Variants in SECISBP2L observed in about 807,000 individuals in gnomAD.
SECISBP2L encodes the protein selenocysteine insertion sequence-binding protein 2-like.
A neutral mutation model predicts 114.7 loss-of-function variants in SECISBP2L; 43 were observed. The observed-to-expected ratio is 0.38, with a 90% CI of 0.29 to 0.48. The LOEUF (loss-of-function observed/expected upper bound fraction) is 0.48, where lower values mean the gene tolerates loss of function less well. Among genes scored for constraint, SECISBP2L ranks in the 20% least tolerant of loss-of-function variants. The pLI is 0.98. For missense variants in SECISBP2L, 1,136 were observed against 1,301.1 expected (o/e 0.87, Z 1.95); for synonymous variants, 451 against 439.7 (o/e 1.03, Z -0.32).
intron 17 of SECISBP2L, among the ~76,000 whole-genome samples, chr15:48,993,326 T>C (rs970792884): frequency 1.3e-5 from 2 of 152,020 alleles, no homozygotes; most frequent in African/African-American, 4.8e-5. Context: ...TTCCCAAAAA[T>C]GTACATTCAA....
Position 49,028,618 on chromosome 15 carries a change from G to A in SECISBP2L, c.729C>T (p.Ser243=). Reference sequence around the variant, plus strand: ...GGGATGCTCTTCTTCTCCTGCCCTTGGACTTCCAGAGCATTGTTGCAGTGG... The same window carrying A: ...GGGATGCTCTTCTTCTCCTGCCCTTAGACTTCCAGAGCATTGTTGCAGTGG... ...SETTATMLWK[S]KGRRRRASHP... is the part of the protein sequence containing the mutation. Residue 243 remains serine, a synonymous_variant, in exon 5 of 18, where the codon TCC becomes TCT. Coordinates refer to ENST00000559471, the MANE Select transcript of SECISBP2L (RefSeq NM_001193489.2). The A allele has an allele frequency of 6.2e-7, 1 of 1,614,090 alleles. No homozygotes were observed. Among genetic ancestry groups the A allele is most frequent in the Admixed American group, 1.7e-5 (1 of 60,012 alleles).
chr15:49,040,863 A>C (rs1451745021), intron 1 of SECISBP2L, among the ~76,000 whole-genome samples: 2 of 152,074 alleles, frequency 1.3e-5, no homozygotes. Context: ...TTAAAAGTCC[A>C]CATAATAAAG....
chr15:49,011,574 A>C, intron 13 of SECISBP2L, 157 bp downstream of exon 13: 1 of 823,758 alleles, frequency 1.2e-6, no homozygotes, highest in Non-Finnish European at 1.8e-6. Flanking sequence ...CTCCCTACAA[A>C]AGCATCTTTA....
chr15:48,997,869 C>CA (rs148720482), intron 16 of SECISBP2L, among the ~76,000 whole-genome samples: 7,276 of 150,296 alleles, frequency 0.048, 252 homozygotes, highest in East Asian at 0.15. Flanking sequence ...ACCTCTGCCT[C>CA]AAAAAAAAAT....
intron 7 of SECISBP2L, 48 bp downstream of exon 7, chr15:49,027,317 T>G (rs1595792428): frequency 1.5e-6 from 2 of 1,332,404 alleles, no homozygotes; most frequent in Non-Finnish European, 2.1e-6. Context: ...AAATCTAAAA[T>G]GACTCATCTC....
rs1412137238 is a variant in SECISBP2L at position 49,028,617 on chromosome 15, T to C, written c.730A>G (p.Lys244Glu). Residue 244 changes from lysine (K) to glutamate (E), a missense_variant, in exon 5 of 18, where the codon AAG (lysine) becomes GAG (glutamate). This residue lies in a region of SECISBP2L where 452 missense variants were observed against 452.3 expected (regional missense o/e 1.00). Coordinates refer to ENST00000559471, the MANE Select transcript of SECISBP2L (RefSeq NM_001193489.2). Reference protein sequence around the residue: ...ETTATMLWKSKGRRRRASHPT... With the variant: ...ETTATMLWKSEGRRRRASHPT... ...TGGGATGCTCTTCTTCTCCTGCCCT[T>C]GGACTTCCAGAGCATTGTTGCAGTG... is the stretch of plus-strand genomic sequence containing the variant. 1 of 1,614,066 alleles carries C rather than the reference T, an allele frequency of 6.2e-7. No individual in the cohort carries two copies. The highest frequency in any genetic ancestry group is 2.2e-5 in the East Asian group (1 of 44,890).
intron 3 of SECISBP2L, 111 bp from the exon 4 acceptor site, chr15:49,033,211 T>G: frequency 7.8e-7 from 1 of 1,276,626 alleles, no homozygotes; most frequent in Non-Finnish European, 1.1e-6. Flanking sequence ...CTTAAGTGTA[T>G]GTTCACAATT....
intron 4 of SECISBP2L, among the ~76,000 whole-genome samples, chr15:49,029,622 A>T (rs1902840610): frequency 1.3e-5 from 2 of 152,208 alleles, no homozygotes; most frequent in African/African-American, 4.8e-5. Context: ...ATTGATACAC[A>T]GACACATGAA....
chr15:49,046,302 T>G lies in SECISBP2L; in HGVS notation c.-3A>C. On this transcript the variant is annotated 5_prime_UTR_variant, in exon 1 of 18. Transcript: ENST00000559471. ...TGCTCCGTGGGGGCTCGGTCCATGGTGCCTGCAGCCGCAACGGGCCCGCGC... is the reference window on the plus strand; with the variant it reads ...TGCTCCGTGGGGGCTCGGTCCATGGGGCCTGCAGCCGCAACGGGCCCGCGC... 6.4e-7 allele frequency: 1 copy of G among 1,550,524 alleles called. No individual in the cohort carries two copies. The highest frequency in any genetic ancestry group is 8.7e-7 in the Non-Finnish European group (1 of 1,149,300).
intron 4 of SECISBP2L, among the ~76,000 whole-genome samples, chr15:49,029,578 G>C (rs1902838857): frequency 6.6e-6 from 1 of 151,992 alleles, no homozygotes; most frequent in Admixed American, 6.6e-5. Flanking sequence ...AGTTGTTTTG[G>C]AGTTTTGCTA....
chr15:48,999,111 T>C (rs192620521), intron 16 of SECISBP2L, among the ~76,000 whole-genome samples: 1 of 152,286 alleles, frequency 6.6e-6, no homozygotes, highest in African/African-American at 2.4e-5. Flanking sequence ...GTAGAGAATT[T>C]CATGGGTGGT....
intron 17 of SECISBP2L, among the ~76,000 whole-genome samples, chr15:48,993,856 T>A (rs962649892): frequency 2.6e-5 from 4 of 152,098 alleles, no homozygotes; most frequent in Non-Finnish European, 4.4e-5. Context: ...TTTTTCAAAT[T>A]TTTTTAAAAA....
chr15:49,028,727 T>C (rs775586881), intron 4 of SECISBP2L, 45 bp from the exon 5 acceptor site: 1 of 1,452,954 alleles, frequency 6.9e-7, no homozygotes, highest in Non-Finnish European at 9.6e-7. Context: ...GATGAACAAA[T>C]TGATAAATTC....
At position 49,019,526 on chromosome 15, in the gene SECISBP2L, A is replaced by G; in HGVS notation, c.1062T>C (p.Ser354=). 2 of 1,507,198 alleles carry G rather than the reference A, an allele frequency of 1.3e-6. No homozygotes were observed. The highest frequency in any genetic ancestry group is 1.8e-6 in the Non-Finnish European group (2 of 1,135,826). The allele number at this position is 1,507,198 out of a possible 1,614,324, so 93.4% of individuals were successfully genotyped here. Residue 354 remains serine (S), a synonymous_variant, in exon 8 of 18, where the codon AGT becomes AGC. Transcript: ENST00000559471. ...AATTCTGTCTTCTTTCTGAGGAAGTACTGTGTCCTCGGCATCTGAATCCAA... is the reference window on the plus strand; with the variant it reads ...AATTCTGTCTTCTTTCTGAGGAAGTGCTGTGTCCTCGGCATCTGAATCCAA... ...SQVGFRCRGH[S]TSSERRQNLQ...
At chr15:49,043,369 T>C (rs1245975529) in intron 1 of SECISBP2L, among the ~76,000 whole-genome samples, 1 of 152,122 alleles carries the variant, frequency 6.6e-6, no homozygotes, top group Non-Finnish European at 1.5e-5. Flanking sequence ...ATTAAAGACA[T>C]TAATAACTAG....
At chr15:49,015,575 T>C (rs1198328297) in intron 11 of SECISBP2L, among the ~76,000 whole-genome samples, 3 of 152,208 alleles carry the variant, frequency 2.0e-5, no homozygotes, top group South Asian at 4.1e-4. Flanking sequence ...CATTGGTACC[T>C]TTCCTGTTCC....
chr15:49,019,572 GA>G lies in SECISBP2L; in HGVS notation c.1036-21del, dbSNP rs759859283. On this transcript the variant is annotated intron_variant, in intron 7 of 17. Coordinates refer to ENST00000559471, the MANE Select transcript of SECISBP2L (RefSeq NM_001193489.2). The stretch of plus-strand genomic sequence containing the variant: ...TCCAACCTAAGTAAACCCCAGAGGG[GA>G]AAAAAAATCTAATTATTTTTAAATA... 83 of 1,426,842 alleles carry G rather than the reference GA, an allele frequency of 5.8e-5. No individual in the cohort carries two copies. The highest frequency in any genetic ancestry group is 1.8e-4 in the Middle Eastern group (1 of 5,562). 88.4% of individuals were successfully genotyped at this position (1,426,842 alleles called of 1,614,324 possible).
At chr15:49,044,831 G>T (rs1415058973) in intron 1 of SECISBP2L, among the ~76,000 whole-genome samples, 2 of 152,130 alleles carry the variant, frequency 1.3e-5, no homozygotes, top group East Asian at 3.8e-4. Context: ...CCTCTAGGAT[G>T]AAAGGAACTC....
rs1221112531 is a variant in SECISBP2L at position 48,990,508 on chromosome 15, A to T, written c.*1736T>A. 1.3e-5 allele frequency: 2 copies of T among 152,602 alleles called. No individual in the cohort carries two copies. The highest frequency in any genetic ancestry group is 2.9e-5 in the Non-Finnish European group (2 of 68,042). The allele number at this position is 152,602 out of a possible 1,614,324, so 9.5% of individuals were successfully genotyped here. ...TACTGGAGAACAGTTTAGACAGGAC[A>T]GTATAAGAATGTCCCCTTTTAGCAC... On this transcript the variant is annotated 3_prime_UTR_variant, in exon 18 of 18. Transcript: ENST00000559471.
Sources: gnomAD v4.1 joint callset for allele counts (sites outside exome capture counted in the v4.1 genomes callset) on GRCh38, gnomAD v4.1.1 for gene constraint, gnomAD v4.1.1 regional missense constraint, MANE v1.5 for transcripts, NCBI Gene and HGNC (gene_info 2026-07-23, HGNC 2026-07-21) for gene names.